Variants in MED19 observed in about 807,000 individuals in gnomAD.
MED19 encodes the protein mediator complex subunit 19, also known as mediator of RNA polymerase II transcription subunit 19.
Under a neutral mutation model 19.9 loss-of-function variants are expected in MED19, and 4 were observed. The observed-to-expected ratio is 0.20, with a 90% CI of 0.10 to 0.46. The LOEUF is 0.46. Ranked by LOEUF, MED19 falls within the 20% of genes least tolerant of loss-of-function variation. The pLI, the probability that MED19 is intolerant of heterozygous loss-of-function variation, is 0.99. For synonymous variants in MED19, 139 were observed against 119.6 expected (o/e 1.16, Z -1.06); for missense variants, 303 against 318.7 (o/e 0.95, Z 0.38).
intron 1 of MED19, among the ~76,000 whole-genome samples, chr11:57,708,922 TATAAA>T (rs1223930279): frequency 6.6e-6 from 1 of 152,190 alleles, no homozygotes; most frequent in African/African-American, 2.4e-5. Context: ...TTTTTTCAAT[TATAAA>T]ATGTAGACAG....
At chr11:57,704,434 C>A in intron 3 of MED19, 38 bp from the exon 4 acceptor site, 1 of 1,522,988 alleles carries the variant, frequency 6.6e-7, no homozygotes, top group Non-Finnish European at 8.8e-7. Flanking sequence ...CTGTAAAGCT[C>A]AAAATCCTCT....
chr11:57,712,186 C>T, exon 1 of MED19: 1 of 1,515,796 alleles, frequency 6.6e-7, no homozygotes, highest in Non-Finnish European at 8.8e-7. Context: ...CCATCGTACC[C>T]TCCGCCCCGG....
exon 2 of MED19, chr11:57,705,116 C>G: frequency 6.2e-7 from 1 of 1,614,162 alleles, no homozygotes; most frequent in South Asian, 1.1e-5. Context: ...CCTGGCAGGT[C>G]AGGCAGGAAG....
intron 1 of MED19, among the ~76,000 whole-genome samples, chr11:57,707,221 A>G (rs1590879879): frequency 2.6e-5 from 4 of 151,858 alleles, no homozygotes; most frequent in East Asian, 3.9e-4. Flanking sequence ...AAAAAGTATT[A>G]TATGTATGCA....
At chr11:57,712,122 C>T (rs202123309) in exon 1 of MED19, 6 of 1,526,712 alleles carry the variant, frequency 3.9e-6, no homozygotes, top group Admixed American at 2.1e-5. Context: ...AAGCCGAGTG[C>T]GGTTGGGGGC....
chr11:57,705,633 A>G (rs555259936), intron 1 of MED19, among the ~76,000 whole-genome samples: 1 of 151,382 alleles, frequency 6.6e-6, no homozygotes, highest in African/African-American at 2.4e-5. Flanking sequence ...CAGCCTGGAC[A>G]ACAGCGAGAC....
At position 57,712,215 on chromosome 11, in the gene MED19, C is replaced by T. The variant is rs1275301853; in HGVS notation, c.-36G>A. The T allele has an allele frequency of 1.2e-5, 18 of 1,477,062 alleles. No homozygotes were observed. The Admixed American group carries it at 2.9e-4, about 24-fold the overall frequency. 91.5% of individuals were successfully genotyped at this position (1,477,062 alleles called of 1,614,324 possible). On this transcript the variant is annotated 5_prime_UTR_variant, in exon 1 of 5. Transcript: ENST00000431606. Reference sequence around the variant, plus strand: ...GCCCCGGCGCTGTCTCCGTGTCTGCCGTTGGTAATTTTCATTGGACAATGC... The same window carrying T: ...GCCCCGGCGCTGTCTCCGTGTCTGCTGTTGGTAATTTTCATTGGACAATGC...
At chr11:57,711,838 G>C in intron 1 of MED19, 125 bp downstream of exon 1, 1 of 1,068,948 alleles carries the variant, frequency 9.4e-7, no homozygotes. Flanking sequence ...TTCCGACTTA[G>C]GGCTCCACAG....
intron 3 of MED19, 56 bp from the exon 4 acceptor site, chr11:57,704,452 T>G: frequency 6.7e-7 from 1 of 1,493,036 alleles, no homozygotes; most frequent in Non-Finnish European, 9.0e-7. Context: ...TCTACTGTTA[T>G]GAACCACTGA....
In MED19 at chr11:57,708,409, C is replaced by A. The variant is rs567748723; in HGVS notation, c.218-3180G>T. The stretch of plus-strand genomic sequence containing the variant: ...AAATTTCTGATCCATCCAAATGGAT[C>A]TCCTTATCGCCTCAAAAAAACACCC... On this transcript the variant is annotated intron_variant, in intron 1 of 4. Coordinates refer to ENST00000431606, the Ensembl canonical transcript of MED19. Among the ~76,000 whole-genome samples the A allele has an allele frequency of 2.0e-4, 31 of 152,294 alleles. No homozygotes were observed. The East Asian group carries it at 2.9e-3, about 14-fold the overall frequency.
exon 5 of MED19, chr11:57,703,963 G>A: frequency 1.3e-6 from 2 of 1,521,916 alleles, no homozygotes; most frequent in Non-Finnish European, 1.8e-6. Flanking sequence ...GTGTCCAAGA[G>A]CCTGGAAGGC....
chr11:57,707,913 A>T (rs1482037408), intron 1 of MED19, among the ~76,000 whole-genome samples: 1 of 152,128 alleles, frequency 6.6e-6, no homozygotes, highest in African/African-American at 2.4e-5. Context: ...GCTCACTGCA[A>T]TCTCTGCATC....
At chr11:57,705,093 C>T in exon 2 of MED19, 1 of 1,614,194 alleles carries the variant, frequency 6.2e-7, no homozygotes, top group Non-Finnish European at 8.5e-7. Context: ...GGGAACCAGG[C>T]AGATCAATCA....
intron 2 of MED19, 56 bp from the exon 3 acceptor site, chr11:57,704,871 T>A: frequency 6.2e-7 from 1 of 1,609,342 alleles, no homozygotes; most frequent in Non-Finnish European, 8.5e-7. Flanking sequence ...TCTCCTGCTC[T>A]TATCATCCAT....
intron 1 of MED19, among the ~76,000 whole-genome samples, chr11:57,705,814 C>G (rs1481583492): frequency 6.6e-6 from 1 of 152,178 alleles, no homozygotes; most frequent in African/African-American, 2.4e-5. Flanking sequence ...TTAAGATTAA[C>G]TGGAGTTGAT....
chr11:57,708,749 C>T (rs1357736973), intron 1 of MED19, among the ~76,000 whole-genome samples: 1 of 152,158 alleles, frequency 6.6e-6, no homozygotes, highest in Non-Finnish European at 1.5e-5. Flanking sequence ...TCACCCGCCT[C>T]ATACACCCAG....
At chr11:57,708,048 G>A (rs491719) in intron 1 of MED19, among the ~76,000 whole-genome samples, 41,541 of 151,468 alleles carry the variant, frequency 0.27, 6,770 homozygotes, top group East Asian at 0.78. Flanking sequence ...TGCCCAGGCT[G>A]GTCTTGAACT....
intron 1 of MED19, among the ~76,000 whole-genome samples, chr11:57,709,225 T>C (rs924961038): frequency 6.6e-6 from 1 of 152,006 alleles, no homozygotes; most frequent in Non-Finnish European, 1.5e-5. Context: ...CCACTAAAAA[T>C]AAAAAATTAG....
At chr11:57,707,215 A>G (rs1471428951) in intron 1 of MED19, among the ~76,000 whole-genome samples, 1 of 151,884 alleles carries the variant, frequency 6.6e-6, no homozygotes, top group Admixed American at 6.6e-5. Flanking sequence ...AAAAAAAAAA[A>G]GTATTATATG....
Sources: gnomAD v4.1 joint callset for allele counts (sites outside exome capture counted in the v4.1 genomes callset) on GRCh38, gnomAD v4.1.1 for gene constraint, MANE v1.5 for transcripts, NCBI Gene and HGNC (gene_info 2026-07-23, HGNC 2026-07-21) for gene names.